NCAM2: variants seen among roughly 807,000 people sequenced by gnomAD.
NCAM2 encodes the protein neural cell adhesion molecule 2, also known as N-CAM-2.
NCAM2 carries 30 observed loss-of-function variants against 98.1 expected under a neutral mutation model. The ratio of observed to expected loss-of-function variants is 0.31; its 90% confidence interval spans 0.23 to 0.41. The LOEUF (loss-of-function observed/expected upper bound fraction) is 0.41. NCAM2 is among the 10% of genes least tolerant of loss of function. The probability of loss-of-function intolerance (pLI) is 1.00; values close to 1 mark genes in which losing one functional copy is unlikely to be tolerated. For missense variants in NCAM2, 867 were observed against 1,005.8 expected (o/e 0.86, Z 1.87); for synonymous variants, 368 against 342.4 (o/e 1.07, Z -0.83).
At chr21:21,480,765 C>T (rs1047822195) in intron 15 of NCAM2, among the ~76,000 whole-genome samples, 4 of 152,264 alleles carry the variant, frequency 2.6e-5, no homozygotes, top group East Asian at 1.9e-4. Flanking sequence ...AATAAAAGAA[C>T]GAAAAATTTC....
chr21:21,183,879 C>T (rs1476799247), intron 1 of NCAM2, among the ~76,000 whole-genome samples: 1 of 151,794 alleles, frequency 6.6e-6, no homozygotes, highest in Non-Finnish European at 1.5e-5. Context: ...AAAAGAAAAA[C>T]CGACCAACTT....
intron 1 of NCAM2, among the ~76,000 whole-genome samples, chr21:21,237,692 T>G (rs1250956572): frequency 6.6e-6 from 1 of 152,090 alleles, no homozygotes; most frequent in Non-Finnish European, 1.5e-5. Context: ...TTTCAGAAAT[T>G]TTAGTAAAGG....
At chr21:21,115,393 ATTAGT>A (rs1472432946) in intron 1 of NCAM2, among the ~76,000 whole-genome samples, 1 of 152,174 alleles carries the variant, frequency 6.6e-6, no homozygotes, top group African/African-American at 2.4e-5. Context: ...TTCTACCAGA[ATTAGT>A]TAAGTTAAAT....
At chr21:21,067,070 G>T (rs1336608570) in intron 1 of NCAM2, among the ~76,000 whole-genome samples, 1 of 151,594 alleles carries the variant, frequency 6.6e-6, no homozygotes, top group Non-Finnish European at 1.5e-5. Context: ...GAAAGGAGCT[G>T]TATGCATAAA....
intron 16 of NCAM2, among the ~76,000 whole-genome samples, chr21:21,516,753 A>G (rs970966366): frequency 6.6e-6 from 1 of 152,008 alleles, no homozygotes; most frequent in Non-Finnish European, 1.5e-5. Flanking sequence ...TTCAGTCGAG[A>G]GATTTTATGT....
intron 1 of NCAM2, among the ~76,000 whole-genome samples, chr21:21,084,106 G>C (rs2065863624): frequency 1.3e-5 from 2 of 152,158 alleles, no homozygotes; most frequent in Admixed American, 6.5e-5. Context: ...CTGGTTTGTA[G>C]AAGGCCGTTG....
At chr21:21,394,439 A>T (rs1405755133) in intron 9 of NCAM2, among the ~76,000 whole-genome samples, 1 of 137,132 alleles carries the variant, frequency 7.3e-6, no homozygotes, top group Admixed American at 7.5e-5. Context: ...TTAAATGTGC[A>T]GTTAGACCTT....
At chr21:21,435,589 C>T (rs953662792) in intron 12 of NCAM2, among the ~76,000 whole-genome samples, 1 of 152,138 alleles carries the variant, frequency 6.6e-6, no homozygotes, top group Non-Finnish European at 1.5e-5. Flanking sequence ...TCTTCTTTAA[C>T]TCTGCAGGAG....
rs1440119505 is a variant in NCAM2, at chr21:21,292,209, T to C, written c.587T>C (p.Ile196Thr). 2 of 1,609,926 alleles carry C rather than the reference T, an allele frequency of 1.2e-6. No individual in the cohort carries two copies. The highest frequency in any genetic ancestry group is 2.7e-5 in the African/African-American group (2 of 74,626). The change falls in exon 5 of 18, where the codon ATT (isoleucine) becomes ACT (threonine). Residue 196 changes from isoleucine (I) to threonine (T), a missense_variant. By Grantham distance (89) the Ile-to-Thr change is moderately conservative (BLOSUM62 -1). Around this residue, in one of 5 missense-constraint regions of NCAM2, gnomAD observed 447 missense variants for 495.7 expected, o/e 0.90. Coordinates refer to ENST00000400546, the MANE Select transcript of NCAM2 (RefSeq NM_004540.5). Reference sequence around the variant, plus strand: ...GGAAGAGTGGAGGCCAGGGGAGAAATTGACTTCCGTGATATCATTGTTATT... The same window carrying C: ...GGAAGAGTGGAGGCCAGGGGAGAAACTGACTTCCGTGATATCATTGTTATT... The part of the protein sequence containing the change: ...CEGRVEARGE[I>T]DFRDIIVIVN...
At chr21:21,416,358 A>C (rs1273506482) in intron 10 of NCAM2, among the ~76,000 whole-genome samples, 1 of 152,160 alleles carries the variant, frequency 6.6e-6, no homozygotes, top group Non-Finnish European at 1.5e-5. Context: ...ACCATAGCAA[A>C]TTTAATAATA....
chr21:21,152,994 C>T (rs911829199), intron 1 of NCAM2, among the ~76,000 whole-genome samples: 1 of 151,868 alleles, frequency 6.6e-6, no homozygotes, highest in Admixed American at 6.6e-5. Context: ...GTAAGTGTCT[C>T]CAGGAAGAAA....
chr21:21,486,776 A>T (rs1263485070), intron 15 of NCAM2, among the ~76,000 whole-genome samples: 1 of 152,212 alleles, frequency 6.6e-6, no homozygotes, highest in Non-Finnish European at 1.5e-5. Context: ...TGATATAAAG[A>T]ACATTCAAAG....
At chr21:21,510,295 C>T (rs542279895) in intron 16 of NCAM2, among the ~76,000 whole-genome samples, 35 of 152,168 alleles carry the variant, frequency 2.3e-4, no homozygotes, top group African/African-American at 8.4e-4. Context: ...CAATTCAGAA[C>T]CTTACCACCA....
intron 15 of NCAM2, among the ~76,000 whole-genome samples, chr21:21,486,280 G>A (rs573678448): frequency 2.5e-5 from 3 of 121,810 alleles, no homozygotes; most frequent in African/African-American, 6.6e-5. Context: ...CTCCAGCCTG[G>A]GCAACAGAGC....
At chr21:21,323,095 G>C (rs887909588) in intron 5 of NCAM2, among the ~76,000 whole-genome samples, 1 of 152,186 alleles carries the variant, frequency 6.6e-6, no homozygotes, top group African/African-American at 2.4e-5. Context: ...GAGTAATACT[G>C]CTCTTGCAAC....
intron 1 of NCAM2, among the ~76,000 whole-genome samples, chr21:21,111,935 A>ATAG (rs1238661555): frequency 6.6e-6 from 1 of 152,172 alleles, no homozygotes; most frequent in Non-Finnish European, 1.5e-5. Context: ...GGTTTCTGGC[A>ATAG]TAGTAGATTA....
chr21:21,257,450 T>C (rs1349993455), intron 1 of NCAM2, among the ~76,000 whole-genome samples: 1 of 152,158 alleles, frequency 6.6e-6, no homozygotes, highest in Non-Finnish European at 1.5e-5. Context: ...GCACGTTGTT[T>C]TATCATCTGA....
Position 21,241,686 on chromosome 21 carries a change from A to C in NCAM2, c.56-38892A>C, listed in dbSNP as rs2071071209. The stretch of plus-strand genomic sequence containing the variant: ...TAAAGGGCTTATTCCAGGTAAATTA[A>C]ATAACAGAAACCAAGGCTCTGTTTT... On this transcript the variant is annotated intron_variant, in intron 1 of 17. Transcript: ENST00000400546. Among the ~76,000 whole-genome samples the C allele has an allele frequency of 3.3e-5, 5 of 150,850 alleles. No individual in the cohort carries two copies. In the South Asian group the frequency reaches 1.0e-3, roughly 32 times the overall value.
chr21:21,306,543 A>C (rs1379490279), intron 5 of NCAM2, among the ~76,000 whole-genome samples: 2 of 151,860 alleles, frequency 1.3e-5, no homozygotes, highest in Non-Finnish European at 2.9e-5. Context: ...CTTTCTTTTA[A>C]TTTTAACATA....
Sources: allele counts gnomAD v4.1 joint callset (sites outside exome capture counted in the v4.1 genomes callset), GRCh38; gene constraint gnomAD v4.1.1; regional missense constraint gnomAD v4.1.1; transcripts MANE v1.5; gene names NCBI Gene and HGNC (gene_info 2026-07-23, HGNC 2026-07-21).